CADM2: variants seen among roughly 807,000 people sequenced by gnomAD.
The protein encoded by CADM2 is immunoglobulin superfamily member 4D.
In CADM2, 12 loss-of-function variants were observed where a neutral mutation model predicts 49.8. That is an observed-to-expected ratio of 0.24 (90% CI 0.15 to 0.39). The LOEUF is 0.39. CADM2 is among the 10% of genes least tolerant of loss of function. The pLI, the probability that CADM2 is intolerant of heterozygous loss-of-function variation, is 1.00. For synonymous variants in CADM2, 214 were observed against 175.4 expected (o/e 1.22, Z -1.74); for missense variants, 378 against 492.3 (o/e 0.77, Z 2.20).
chr3:85,682,192 C>A (rs1019445637), intron 1 of CADM2, among the ~76,000 whole-genome samples: 3 of 152,004 alleles, frequency 2.0e-5, no homozygotes, highest in African/African-American at 7.2e-5. Flanking sequence ...ATTGAATGAG[C>A]ACTACAAAGC....
intron 1 of CADM2, among the ~76,000 whole-genome samples, chr3:85,522,335 C>CT (rs1296586383): frequency 5.3e-5 from 8 of 151,700 alleles, no homozygotes; most frequent in Admixed American, 3.3e-4. Context: ...GGTAATTCAC[C>CT]TTTTTTCTGT....
chr3:85,515,562 A>G (rs1216715664), intron 1 of CADM2, among the ~76,000 whole-genome samples: 13 of 144,036 alleles, frequency 9.0e-5, no homozygotes, highest in African/African-American at 3.6e-4. Context: ...AGCTGGGATT[A>G]CAGGAGAGTG....
chr3:85,151,286 C>T (rs1276080766), intron 1 of CADM2, among the ~76,000 whole-genome samples: 1 of 151,976 alleles, frequency 6.6e-6, no homozygotes, highest in Non-Finnish European at 1.5e-5. Context: ...CTGAGAAACT[C>T]TTCCTCTTAA....
intron 1 of CADM2, among the ~76,000 whole-genome samples, chr3:85,135,748 C>T (rs1206749283): frequency 6.6e-6 from 1 of 151,982 alleles, no homozygotes; most frequent in African/African-American, 2.4e-5. Context: ...TTTCAATACA[C>T]AAACATTTTG....
chr3:85,837,175 T>C (rs2074448696), intron 3 of CADM2, among the ~76,000 whole-genome samples: 1 of 151,616 alleles, frequency 6.6e-6, no homozygotes, highest in African/African-American at 2.4e-5. Flanking sequence ...AAAATCAGTA[T>C]GGCTAACTAC....
chr3:85,389,493 T>G (rs1211195154), intron 1 of CADM2, among the ~76,000 whole-genome samples: 1 of 152,100 alleles, frequency 6.6e-6, no homozygotes, highest in Admixed American at 6.5e-5. Context: ...TTTCTGTATC[T>G]ATTCTACATA....
chr3:85,216,541 G>A (rs2041934186), intron 1 of CADM2, among the ~76,000 whole-genome samples: 1 of 151,724 alleles, frequency 6.6e-6, no homozygotes, highest in Non-Finnish European at 1.5e-5. Context: ...TGCCCAGAAA[G>A]CCACATCTTT....
chr3:85,587,434 T>A (rs2062976011), intron 1 of CADM2, among the ~76,000 whole-genome samples: 1 of 152,084 alleles, frequency 6.6e-6, no homozygotes, highest in South Asian at 2.1e-4. Flanking sequence ...ATGAAATGTC[T>A]TAGGCAAAGA....
At chr3:85,439,526 C>A (rs1452793437) in intron 1 of CADM2, among the ~76,000 whole-genome samples, 1 of 152,040 alleles carries the variant, frequency 6.6e-6, no homozygotes, top group Non-Finnish European at 1.5e-5. Context: ...CAAACAAATT[C>A]TTCTATTTTT....
intron 1 of CADM2, among the ~76,000 whole-genome samples, chr3:85,049,327 G>GTTTA (rs141705505): frequency 0.04 from 5,845 of 146,178 alleles, 122 homozygotes; most frequent in Non-Finnish European, 0.043. Flanking sequence ...TGCAGGTTTA[G>GTTTA]TTTATTTATT....
intron 1 of CADM2, among the ~76,000 whole-genome samples, chr3:85,574,109 T>C (rs900689592): frequency 2.6e-5 from 4 of 152,144 alleles, no homozygotes; most frequent in Non-Finnish European, 5.9e-5. Context: ...CTTTGTTAGG[T>C]TGAAGGGTTA....
At chr3:85,456,404 T>C (rs2037991465) in intron 1 of CADM2, among the ~76,000 whole-genome samples, 1 of 152,184 alleles carries the variant, frequency 6.6e-6, no homozygotes, top group African/African-American at 2.4e-5. Flanking sequence ...AGGTTTCACA[T>C]GTGAGAAGAA....
intron 1 of CADM2, among the ~76,000 whole-genome samples, chr3:85,010,854 T>TTA (rs2033956150): frequency 2.0e-5 from 2 of 101,258 alleles, no homozygotes; most frequent in Non-Finnish European, 4.0e-5. Flanking sequence ...TTTATGTCTT[T>TTA]TTTTTTTTTT....
At chr3:85,296,019 G>A (rs946321657) in intron 1 of CADM2, among the ~76,000 whole-genome samples, 20 of 151,888 alleles carry the variant, frequency 1.3e-4, no homozygotes, top group Non-Finnish European at 2.1e-4. Flanking sequence ...TATTTAAAAT[G>A]GGTGACTAAA....
chr3:85,718,882 T>TTATTA (rs2067394300), intron 1 of CADM2, among the ~76,000 whole-genome samples: 2 of 141,344 alleles, frequency 1.4e-5, no homozygotes, highest in Non-Finnish European at 3.0e-5. Context: ...TTAATGGTAT[T>TTATTA]TTATTATTAT....
intron 1 of CADM2, among the ~76,000 whole-genome samples, chr3:85,261,210 C>T (rs1379311577): frequency 6.6e-6 from 1 of 152,106 alleles, no homozygotes; most frequent in Non-Finnish European, 1.5e-5. Flanking sequence ...GATCTTGGCT[C>T]ATTGCAACCT....
At chr3:86,014,767 G>T in intron 8 of CADM2, 1 of 1,481,344 alleles carries the variant, frequency 6.8e-7, no homozygotes, top group Non-Finnish European at 9.0e-7. Context: ...AAGCTTCACT[G>T]TTGGAGAATC....
At chr3:84,979,365 T>C (rs1464910897) in intron 1 of CADM2, among the ~76,000 whole-genome samples, 1 of 152,132 alleles carries the variant, frequency 6.6e-6, no homozygotes, top group Non-Finnish European at 1.5e-5. Context: ...CTTACTGATA[T>C]CTAAGTATAT....
chr3:85,609,834 A>T (rs574213170), intron 1 of CADM2, among the ~76,000 whole-genome samples: 1 of 152,184 alleles, frequency 6.6e-6, no homozygotes, highest in African/African-American at 2.4e-5. Context: ...TTAAAAGATG[A>T]TTATTATAAT....
Sources: gnomAD v4.1 joint callset for allele counts (sites outside exome capture counted in the v4.1 genomes callset) on GRCh38, gnomAD v4.1.1 for gene constraint, MANE v1.5 for transcripts, NCBI Gene and HGNC (gene_info 2026-07-23, HGNC 2026-07-21) for gene names.